The following VPS39 variants were observed in gnomAD, a reference collection of about 807,000 sequenced individuals.
VPS39 encodes vam6/Vps39-like protein.
In VPS39, 70 loss-of-function variants were observed where a neutral mutation model predicts 121.0. That is an observed-to-expected ratio of 0.58 (90% CI 0.48 to 0.71). VPS39 has a LOEUF of 0.71. Among genes scored for constraint, VPS39 ranks in the 30% least tolerant of loss-of-function variants. The pLI, the probability that VPS39 is intolerant of heterozygous loss-of-function variation, is 0.00. For synonymous variants in VPS39, 378 were observed against 398.1 expected (o/e 0.95, Z 0.60); for missense variants, 818 against 1,051.5 (o/e 0.78, Z 3.07).
intron 11 of VPS39, among the ~76,000 whole-genome samples, chr15:42,170,394 T>C (rs1278280813): frequency 1.3e-5 from 2 of 152,160 alleles, no homozygotes; most frequent in Non-Finnish European, 2.9e-5. Context: ...ATCCAGCTAC[T>C]TGGGAGGCTG....
At position 42,166,830 on chromosome 15, in the gene VPS39, C is replaced by T. The variant is rs2049253151; in HGVS notation, c.1461G>A (p.Lys487=). 6.2e-7 allele frequency: 1 copy of T among 1,614,222 alleles called. No homozygotes were observed. The highest frequency in any genetic ancestry group is 8.5e-7 in the Non-Finnish European group (1 of 1,180,044). The change falls in exon 14 of 25, where the codon AAG becomes AAA. Residue 487 remains lysine (K), a synonymous_variant. Coordinates refer to ENST00000318006, the MANE Select transcript of VPS39 (RefSeq NM_015289.5). ...TGATAAGCTCACTGTACTTGTGAGC[C>T]TTCTTTAGCACGTGCTCGCTCTCCT... ...HIEESEHVLK[K]AHKYSELIIL...
Position 42,189,146 on chromosome 15 carries a change from T to G in VPS39, c.310A>C (p.Lys104Gln). 3 of 1,613,990 alleles carry G rather than the reference T, an allele frequency of 1.9e-6. No individual in the cohort carries two copies. The highest frequency in any genetic ancestry group is 2.5e-6 in the Non-Finnish European group (3 of 1,179,912). Residue 104 changes from lysine (K) to glutamine (Q), a missense_variant, in exon 5 of 25, where the codon AAG becomes CAG. Physicochemically the swap from Lys to Gln is moderately conservative, Grantham distance 53. Transcript: ENST00000318006. ...FQQITTVSKAKGASLFTCDLQ... is the reference protein window; with the variant it reads ...FQQITTVSKAQGASLFTCDLQ... Reference sequence around the variant, plus strand: ...TCACAAGTAAACAGTGATGCTCCCTTTGCCTTTGAAACCGTAGTGATTTGT... The same window carrying G: ...TCACAAGTAAACAGTGATGCTCCCTGTGCCTTTGAAACCGTAGTGATTTGT...
At chr15:42,162,544 G>T in intron 21 of VPS39, 63 bp from the exon 22 acceptor site, 2 of 1,507,776 alleles carry the variant, frequency 1.3e-6, no homozygotes, top group South Asian at 1.4e-5. Flanking sequence ...CCCCAGCACT[G>T]AGCATGCCTA....
chr15:42,161,634 G>C, intron 24 of VPS39, 48 bp downstream of exon 24: 1 of 1,585,466 alleles, frequency 6.3e-7, no homozygotes. Context: ...TCCACCCCTG[G>C]GAACCTCCAC....
intron 3 of VPS39, 129 bp from the exon 4 acceptor site, chr15:42,191,296 G>C: frequency 8.2e-7 from 1 of 1,223,942 alleles, no homozygotes; most frequent in Non-Finnish European, 1.2e-6. Flanking sequence ...TGATTTTTCT[G>C]GGCACTATAA....
intron 2 of VPS39, among the ~76,000 whole-genome samples, chr15:42,197,265 T>G (rs2049960995): frequency 1.3e-5 from 2 of 149,746 alleles, no homozygotes; most frequent in Non-Finnish European, 3.0e-5. Flanking sequence ...ACATGGCACA[T>G]GTATACATAT....
chr15:42,201,644 T>A (rs531733142), intron 1 of VPS39, among the ~76,000 whole-genome samples: 2 of 152,342 alleles, frequency 1.3e-5, no homozygotes, highest in Admixed American at 1.3e-4. Context: ...ACTTCCCAGA[T>A]GATGCTGATG....
Position 42,191,096 on chromosome 15 carries a change from C to T in VPS39, c.247+29G>A, listed in dbSNP as rs2049819776. On this transcript the variant is annotated intron_variant, in intron 4 of 24. Coordinates refer to ENST00000318006, the MANE Select transcript of VPS39 (RefSeq NM_015289.5). ...AGGTCATATCTTTTCTTGTTAGACACAGGATACAAATGCAACTCCTTTTCT... is the reference window on the plus strand; with the variant it reads ...AGGTCATATCTTTTCTTGTTAGACATAGGATACAAATGCAACTCCTTTTCT... The T allele has an allele frequency of 4.3e-6, 7 of 1,611,482 alleles. No individual in the cohort carries two copies. In the Admixed American group the frequency reaches 1.2e-4, roughly 27 times the overall value.
At chr15:42,176,454 T>G (rs2049453767) in intron 10 of VPS39, among the ~76,000 whole-genome samples, 1 of 152,074 alleles carries the variant, frequency 6.6e-6, no homozygotes, top group Admixed American at 6.5e-5. Context: ...TGATTACATC[T>G]GGAGGAGAGG....
Position 42,160,783 on chromosome 15 carries a change from A to T in VPS39, c.2599T>A (p.Ser867Thr). 1 of 1,614,156 alleles carries T rather than the reference A, an allele frequency of 6.2e-7. No homozygotes were observed. Among genetic ancestry groups the T allele is most frequent in the Non-Finnish European group, 8.5e-7 (1 of 1,180,032 alleles). The change falls in exon 25 of 25, where the codon TCC (serine) becomes ACC (threonine). Residue 867 changes from serine to threonine, a missense_variant. Transcript: ENST00000318006. ...PNGVVVHYFC[S>T]KEVNPADT ...GTGTCAGCTGGGTTTACCTCTTTGGAACAGAAGTAATGGACGACCACTCCA... is the reference window on the plus strand; with the variant it reads ...GTGTCAGCTGGGTTTACCTCTTTGGTACAGAAGTAATGGACGACCACTCCA...
At chr15:42,173,618 G>C in intron 11 of VPS39, 105 bp downstream of exon 11, 3 of 1,463,566 alleles carry the variant, frequency 2.0e-6, no homozygotes, top group Non-Finnish European at 2.8e-6. Context: ...ATTTAGCTGA[G>C]CCTAAACCTT....
intron 22 of VPS39, 21 bp from the exon 23 acceptor site, chr15:42,162,187 A>G (rs746049433): frequency 4.3e-5 from 70 of 1,613,920 alleles, no homozygotes; most frequent in Non-Finnish European, 5.8e-5. Context: ...GAACAGAGAT[A>G]GGGACTGGGT....
chr15:42,161,967 A>T (rs1201190450), intron 23 of VPS39, 65 bp downstream of exon 23: 4 of 1,607,580 alleles, frequency 2.5e-6, no homozygotes, highest in Non-Finnish European at 3.4e-6. Flanking sequence ...AGAAGGGAAC[A>T]TGTGGACATT....
chr15:42,208,273 G>T lies in VPS39; in HGVS notation c.-120C>A. 3 of 1,340,440 alleles carry T rather than the reference G, an allele frequency of 2.2e-6. No individual in the cohort carries two copies. Among genetic ancestry groups the T allele is most frequent in the Non-Finnish European group, 2.0e-6 (2 of 981,982 alleles). The allele number at this position is 1,340,440 out of a possible 1,614,324, so 83.0% of individuals were successfully genotyped here. On this transcript the variant is annotated 5_prime_UTR_variant, in exon 1 of 25. The change creates a new upstream start codon in the 5' untranslated region. Coordinates refer to ENST00000318006, the MANE Select transcript of VPS39 (RefSeq NM_015289.5). The stretch of plus-strand genomic sequence containing the variant: ...TCCGGCCAGGAACCCCCCGGCTACA[G>T]GCCCTTCAACAACACAGCCATCGTC...
chr15:42,165,123 G>T lies in VPS39; in HGVS notation c.1780-10C>A, dbSNP rs1298851718. On this transcript the variant is annotated splice_polypyrimidine_tract_variant and intron_variant, in intron 17 of 24. Coordinates refer to ENST00000318006, the MANE Select transcript of VPS39 (RefSeq NM_015289.5). ...CATGGATGATGTGTTCCTGAGGCAAGATGTAGGTCTTTGTCACTGGTATTC... is the reference window on the plus strand; with the variant it reads ...CATGGATGATGTGTTCCTGAGGCAATATGTAGGTCTTTGTCACTGGTATTC... 3 of 1,613,118 alleles carry T rather than the reference G, an allele frequency of 1.9e-6. No homozygotes were observed. The highest frequency in any genetic ancestry group is 1.7e-6 in the Non-Finnish European group (2 of 1,179,142).
intron 5 of VPS39, 91 bp downstream of exon 5, chr15:42,189,023 G>A: frequency 1.1e-6 from 1 of 914,644 alleles, no homozygotes; most frequent in Non-Finnish European, 1.8e-6. Flanking sequence ...TGGATCATCA[G>A]TGTCATTCTT....
chr15:42,175,673 T>C (rs1205958603), intron 10 of VPS39, among the ~76,000 whole-genome samples: 3 of 152,034 alleles, frequency 2.0e-5, no homozygotes, highest in Non-Finnish European at 2.9e-5. Flanking sequence ...AACATGTGGC[T>C]GTCCCTGGTC....
intron 6 of VPS39, 53 bp downstream of exon 6, chr15:42,187,705 G>A (rs563046315): frequency 3.9e-6 from 6 of 1,532,722 alleles, no homozygotes; most frequent in African/African-American, 2.7e-5. Flanking sequence ...CACTAGAACC[G>A]AGCCACTGCA....
At chr15:42,165,458 A>AT (rs939931660) in intron 17 of VPS39, 42 of 471,436 alleles carry the variant, frequency 8.9e-5, no homozygotes, top group African/African-American at 5.5e-4. Flanking sequence ...TCGCTTTGGA[A>AT]TTTTTTTTCC....
Sources: allele counts gnomAD v4.1 joint callset (sites outside exome capture counted in the v4.1 genomes callset), GRCh38; gene constraint gnomAD v4.1.1; transcripts MANE v1.5; gene names NCBI Gene and HGNC (gene_info 2026-07-23, HGNC 2026-07-21).